Variants in CTNNA2 observed in about 807,000 individuals in gnomAD.
CTNNA2 encodes catenin alpha 2.
CTNNA2 carries 42 observed loss-of-function variants against 101.0 expected under a neutral mutation model. That is an observed-to-expected ratio of 0.42 (90% CI 0.32 to 0.54). The LOEUF (loss-of-function observed/expected upper bound fraction) is 0.54. CTNNA2 is among the 20% of genes least tolerant of loss of function. CTNNA2 has a pLI of 0.14. For synonymous variants in CTNNA2, 450 were observed against 456.4 expected, an observed-to-expected ratio of 0.99 and a Z score of 0.18; for missense variants, 871 against 1,223.1, an observed-to-expected ratio of 0.71 and a Z score of 4.29.
chr2:80,040,121 G>T (rs1464083239), intron 7 of CTNNA2, among the ~76,000 whole-genome samples: 1 of 152,084 alleles, frequency 6.6e-6, no homozygotes. Flanking sequence ...CATTTTGTTG[G>T]ATCTTTTTGC....
intron 3 of CTNNA2, among the ~76,000 whole-genome samples, chr2:79,762,433 G>A (rs1337289935): frequency 6.6e-6 from 1 of 152,154 alleles, no homozygotes; most frequent in East Asian, 1.9e-4. Flanking sequence ...TCAGCCTTGG[G>A]AAACAGATCA....
chr2:79,779,047 A>G (rs967239228), intron 3 of CTNNA2, among the ~76,000 whole-genome samples: 1 of 152,158 alleles, frequency 6.6e-6, no homozygotes, highest in African/African-American at 2.4e-5. Context: ...CAGCCAAGGG[A>G]AGGCTCATTT....
chr2:80,484,620 A>G (rs1686405051), intron 9 of CTNNA2, among the ~76,000 whole-genome samples: 1 of 152,206 alleles, frequency 6.6e-6, no homozygotes, highest in Non-Finnish European at 1.5e-5. Context: ...TAGGACAGCT[A>G]TCATTGTTTT....
intron 2 of CTNNA2, among the ~76,000 whole-genome samples, chr2:79,275,942 A>G (rs543190249): frequency 6.6e-6 from 1 of 152,194 alleles, no homozygotes; most frequent in African/African-American, 2.4e-5. Flanking sequence ...AGGAGCATAG[A>G]ATTAGGCTAG....
chr2:80,606,552 T>C (rs1477961582), intron 16 of CTNNA2, among the ~76,000 whole-genome samples: 1 of 151,896 alleles, frequency 6.6e-6, no homozygotes, highest in Non-Finnish European at 1.5e-5. Flanking sequence ...GTGAAATAAC[T>C]TGCAATTTTT....
intron 4 of CTNNA2, among the ~76,000 whole-genome samples, chr2:79,467,703 A>G (rs1670954683): frequency 6.6e-6 from 1 of 152,346 alleles, no homozygotes; most frequent in South Asian, 2.1e-4. Flanking sequence ...ACAAGCCAGA[A>G]GAGAGTAGGG....
At chr2:80,327,895 T>C (rs1454377873) in intron 7 of CTNNA2, among the ~76,000 whole-genome samples, 1 of 152,250 alleles carries the variant, frequency 6.6e-6, no homozygotes, top group Non-Finnish European at 1.5e-5. Context: ...TGGGAAACCA[T>C]CTGAGCTAGA....
intron 4 of CTNNA2, among the ~76,000 whole-genome samples, chr2:79,378,191 A>G (rs947769624): frequency 6.6e-6 from 1 of 152,136 alleles, no homozygotes; most frequent in East Asian, 1.9e-4. Flanking sequence ...AGACATAAAA[A>G]GTTCCCATTT....
chr2:80,102,980 C>T (rs975987602), intron 7 of CTNNA2, among the ~76,000 whole-genome samples: 5 of 152,126 alleles, frequency 3.3e-5, no homozygotes, highest in Non-Finnish European at 7.3e-5. Flanking sequence ...GAAGCACTAC[C>T]AGTGCTGCAA....
At chr2:80,388,209 T>G (rs565436324) in intron 7 of CTNNA2, among the ~76,000 whole-genome samples, 34 of 152,314 alleles carry the variant, frequency 2.2e-4, no homozygotes, top group Non-Finnish European at 4.3e-4. Context: ...CTGGAGGTGC[T>G]GGTCAGATAC....
At chr2:79,528,451 A>T (rs58992583) in intron 1 of CTNNA2, among the ~76,000 whole-genome samples, 27,785 of 151,946 alleles carry the variant, frequency 0.18, 2,791 homozygotes, top group Middle Eastern at 0.27. Flanking sequence ...TCGTTTTGAG[A>T]TGATGCAAAT....
rs78002720 is a variant in CTNNA2 at position 79,765,179 on chromosome 2, A to G, written c.298+20597A>G. Among the ~76,000 whole-genome samples the G allele has an allele frequency of 5.6e-3, 855 of 152,314 alleles. 9 individuals are homozygous for G. Among genetic ancestry groups the G allele is most frequent in the African/African-American group, 0.019 (805 of 41,568 alleles). ...CAATGTGGTTAAGACGAAATGAGGTAATATATGTGAAAGTATTTTTTCCAG... is the reference window on the plus strand; with the variant it reads ...CAATGTGGTTAAGACGAAATGAGGTGATATATGTGAAAGTATTTTTTCCAG... On this transcript the variant is annotated intron_variant, in intron 3 of 18. Transcript: ENST00000402739.
intron 7 of CTNNA2, among the ~76,000 whole-genome samples, chr2:79,983,795 A>G (rs1239001773): frequency 2.0e-5 from 3 of 152,208 alleles, no homozygotes; most frequent in Non-Finnish European, 2.9e-5. Flanking sequence ...TAGTACTGCA[A>G]AGCCATTGCT....
chr2:80,534,881 T>C (rs1455642841), intron 9 of CTNNA2, among the ~76,000 whole-genome samples: 1 of 152,192 alleles, frequency 6.6e-6, no homozygotes, highest in East Asian at 1.9e-4. Context: ...TACTTTGTTT[T>C]TGGTAATAGC....
intron 3 of CTNNA2, among the ~76,000 whole-genome samples, chr2:79,340,787 T>C (rs764822323): frequency 8.6e-5 from 11 of 128,586 alleles, no homozygotes; most frequent in Non-Finnish European, 1.5e-4. Flanking sequence ...TGAGCGGAGA[T>C]CGCGCCACTG....
At chr2:80,549,602 C>T (rs76167541) in intron 11 of CTNNA2, among the ~76,000 whole-genome samples, 2,310 of 152,162 alleles carry the variant, frequency 0.015, 60 homozygotes, top group African/African-American at 0.052. Context: ...CCAAACATTG[C>T]AGTTTTTCAC....
At chr2:79,501,010 C>A (rs1553416182) in intron 4 of CTNNA2, among the ~76,000 whole-genome samples, 3 of 152,220 alleles carry the variant, frequency 2.0e-5, no homozygotes, top group Non-Finnish European at 4.4e-5. Context: ...TATTTTACTT[C>A]TCTCAGACTC....
intron 4 of CTNNA2, among the ~76,000 whole-genome samples, chr2:79,494,178 A>G (rs1671231889): frequency 6.6e-6 from 1 of 152,212 alleles, no homozygotes. Flanking sequence ...TAAAGAAGAC[A>G]TAAACAAATG....
intron 1 of CTNNA2, among the ~76,000 whole-genome samples, chr2:79,639,811 G>T (rs889344694): frequency 6.6e-6 from 1 of 152,148 alleles, no homozygotes; most frequent in Admixed American, 6.5e-5. Flanking sequence ...ATTTTAAAGA[G>T]AGAATATCGA....
Sources: gnomAD v4.1 joint callset for allele counts (sites outside exome capture counted in the v4.1 genomes callset) on GRCh38, gnomAD v4.1.1 for gene constraint, MANE v1.5 for transcripts, NCBI Gene and HGNC (gene_info 2026-07-23, HGNC 2026-07-21) for gene names.